STK33: variants seen among roughly 807,000 people sequenced by gnomAD.
STK33 encodes the protein serine/threonine kinase 33.
Under a neutral mutation model 58.0 loss-of-function variants are expected in STK33, and 52 were observed. The observed-to-expected ratio is 0.90, with a 90% CI of 0.72 to 1.13. The LOEUF (loss-of-function observed/expected upper bound fraction) is 1.13. Among genes scored for constraint, STK33 ranks in the 50% most tolerant of loss-of-function variants. STK33 has a pLI of 0.00. For missense variants in STK33, 630 were observed against 604.2 expected (o/e 1.04, Z -0.45); for synonymous variants, 215 against 200.1 (o/e 1.07, Z -0.63).
At chr11:8,460,986 A>G (rs1947450913) in intron 8 of STK33, among the ~76,000 whole-genome samples, 1 of 152,246 alleles carries the variant, frequency 6.6e-6, no homozygotes, top group Non-Finnish European at 1.5e-5. Context: ...GAAACATTTA[A>G]TGAGACAGAT....
At chr11:8,415,752 A>G (rs1314943377) in intron 14 of STK33, among the ~76,000 whole-genome samples, 5 of 152,150 alleles carry the variant, frequency 3.3e-5, no homozygotes, top group Non-Finnish European at 7.4e-5. Context: ...ATCAGGTCCA[A>G]CAAAATTATA....
chr11:8,543,679 T>G (rs1591713959), intron 1 of STK33, among the ~76,000 whole-genome samples: 2 of 152,168 alleles, frequency 1.3e-5, no homozygotes, highest in East Asian at 3.8e-4. Flanking sequence ...AGACCTACTA[T>G]TTGATAGCAC....
chr11:8,452,240 T>C (rs1393830922), intron 11 of STK33, among the ~76,000 whole-genome samples: 1 of 152,110 alleles, frequency 6.6e-6, no homozygotes, highest in Non-Finnish European at 1.5e-5. Flanking sequence ...GCACATGATT[T>C]TAACATGAGT....
chr11:8,403,492 C>T (rs1298109851), intron 15 of STK33, among the ~76,000 whole-genome samples: 2 of 152,146 alleles, frequency 1.3e-5, no homozygotes, highest in African/African-American at 2.4e-5. Context: ...CATATTTCAG[C>T]ACTGTGGAGG....
At chr11:8,438,454 A>C (rs1191463561) in intron 12 of STK33, among the ~76,000 whole-genome samples, 1 of 152,206 alleles carries the variant, frequency 6.6e-6, no homozygotes, top group Non-Finnish European at 1.5e-5. Context: ...ATAAACAAGA[A>C]AATAAACCCC....
chr11:8,422,207 T>C lies in STK33; in HGVS notation c.1147-8515A>G, dbSNP rs538849892. Among the ~76,000 whole-genome samples, 5 of 152,276 alleles carry C rather than the reference T, an allele frequency of 3.3e-5. No individual in the cohort carries two copies. In the South Asian group the frequency reaches 1.0e-3, roughly 32 times the overall value. On this transcript the variant is annotated intron_variant, in intron 14 of 15. Transcript: ENST00000687296. ...ATGTTGAGTCTTATTACAAATGATT[T>C]CTCTGAAATGATCATATGATTTTTT...
intron 1 of STK33, among the ~76,000 whole-genome samples, chr11:8,481,477 CA>C (rs1949795113): frequency 6.6e-6 from 1 of 152,190 alleles, no homozygotes; most frequent in Admixed American, 6.5e-5. Flanking sequence ...TTGATGGAAA[CA>C]GTGTTTTGGA....
chr11:8,342,291 G>A, the STK33 span, among the ~76,000 whole-genome samples: 2 of 152,238 alleles, frequency 1.3e-5, no homozygotes, highest in Admixed American at 1.3e-4. Flanking sequence ...TTAGAACAAA[G>A]AATGGTGCTC....
At chr11:8,516,492 G>T (rs1366208044) in intron 1 of STK33, among the ~76,000 whole-genome samples, 1 of 152,218 alleles carries the variant, frequency 6.6e-6, no homozygotes, top group Admixed American at 6.5e-5. Flanking sequence ...TCTCACTGGG[G>T]CTTGTCAGAC....
At chr11:8,543,231 T>C (rs1026021) in intron 1 of STK33, among the ~76,000 whole-genome samples, 25,123 of 152,204 alleles carry the variant, frequency 0.17, 2,626 homozygotes, top group South Asian at 0.31. Context: ...CACCATTTAA[T>C]TGTCACTTAA....
the STK33 span, among the ~76,000 whole-genome samples, chr11:8,335,540 T>G: frequency 1.6e-4 from 25 of 152,172 alleles, no homozygotes; most frequent in African/African-American, 5.8e-4. Flanking sequence ...TGAAGATGGA[T>G]CTATTCAAAG....
chr11:8,518,956 T>C (rs1953096806), intron 1 of STK33, among the ~76,000 whole-genome samples: 1 of 152,072 alleles, frequency 6.6e-6, no homozygotes, highest in Non-Finnish European at 1.5e-5. Context: ...AACAAGGATA[T>C]CCAGGAATTG....
chr11:8,391,095 A>G (rs559966001), downstream of STK33, among the ~76,000 whole-genome samples: 1 of 152,276 alleles, frequency 6.6e-6, no homozygotes, highest in East Asian at 1.9e-4. Flanking sequence ...TAGGGAAGGG[A>G]AGGCTCCACT....
intron 2 of STK33, among the ~76,000 whole-genome samples, chr11:8,477,717 C>T (rs1339886783): frequency 6.6e-6 from 1 of 152,088 alleles, no homozygotes; most frequent in Admixed American, 6.5e-5. Flanking sequence ...GTTCAGAAAG[C>T]ATTTCCTTTA....
At chr11:8,399,074 A>C (rs373312736) in intron 15 of STK33, among the ~76,000 whole-genome samples, 3 of 152,082 alleles carry the variant, frequency 2.0e-5, no homozygotes, top group African/African-American at 4.8e-5. Flanking sequence ...AGAAAGTTAA[A>C]AAGGATATCC....
intron 6 of STK33, among the ~76,000 whole-genome samples, chr11:8,471,948 C>A (rs1948817512): frequency 6.6e-6 from 1 of 152,072 alleles, no homozygotes; most frequent in Non-Finnish European, 1.5e-5. Context: ...TTTTTGGAGA[C>A]AAGGTCTCAC....
intron 14 of STK33, among the ~76,000 whole-genome samples, chr11:8,433,243 T>A (rs944586384): frequency 7.1e-6 from 1 of 140,552 alleles, no homozygotes; most frequent in Non-Finnish European, 1.6e-5. Context: ...AAGACTATTT[T>A]TAGCCCTTAA....
chr11:8,586,545 T>C (rs1350229783), intron 1 of STK33, among the ~76,000 whole-genome samples: 1 of 152,016 alleles, frequency 6.6e-6, no homozygotes. Context: ...TGGCTTGGGC[T>C]GGACACAGTG....
chr11:8,470,978 G>A (rs1156553122), intron 6 of STK33, among the ~76,000 whole-genome samples: 1 of 152,150 alleles, frequency 6.6e-6, no homozygotes, highest in Non-Finnish European at 1.5e-5. Context: ...TGGAAAAATG[G>A]CACCAACAGA....
Sources: allele counts gnomAD v4.1 joint callset (sites outside exome capture counted in the v4.1 genomes callset), GRCh38; gene constraint gnomAD v4.1.1; transcripts MANE v1.5; gene names NCBI Gene and HGNC (gene_info 2026-07-23, HGNC 2026-07-21).